Variants in LMX1A observed in about 807,000 individuals in gnomAD.
LMX1A encodes the protein LIM homeobox transcription factor 1-alpha.
LMX1A carries 15 observed loss-of-function variants against 49.1 expected under a neutral mutation model. The ratio of observed to expected loss-of-function variants is 0.31; its 90% confidence interval spans 0.20 to 0.47. The LOEUF is 0.47. Among genes scored for constraint, LMX1A ranks in the 20% least tolerant of loss-of-function variants. The probability of loss-of-function intolerance (pLI) is 1.00; values close to 1 mark genes in which losing one functional copy is unlikely to be tolerated. For synonymous variants in LMX1A, 167 were observed against 185.7 expected, an observed-to-expected ratio of 0.90 and a Z score of 0.82; for missense variants, 372 against 475.8, an observed-to-expected ratio of 0.78 and a Z score of 2.03.
intron 3 of LMX1A, among the ~76,000 whole-genome samples, chr1:165,348,201 T>C (rs750121505): frequency 9.2e-5 from 14 of 152,214 alleles, no homozygotes; most frequent in Non-Finnish European, 1.6e-4. Context: ...GTTCCATTTA[T>C]GTAAGGATCA....
At chr1:165,333,225 T>G (rs1571228058) in intron 3 of LMX1A, among the ~76,000 whole-genome samples, 1 of 152,340 alleles carries the variant, frequency 6.6e-6, no homozygotes, top group East Asian at 1.9e-4. Context: ...CGGAGCGATC[T>G]CGGCTCACCA....
chr1:165,306,958 T>G (rs957006570), intron 3 of LMX1A, among the ~76,000 whole-genome samples: 8 of 152,226 alleles, frequency 5.3e-5, no homozygotes, highest in South Asian at 2.1e-4. Flanking sequence ...CAGCCTGAGC[T>G]GCTGGCAGCA....
intron 3 of LMX1A, among the ~76,000 whole-genome samples, chr1:165,331,823 A>C (rs1655751284): frequency 6.6e-6 from 1 of 152,198 alleles, no homozygotes; most frequent in Non-Finnish European, 1.5e-5. Context: ...AGGCTGAGGC[A>C]CAAGAATAGC....
intron 3 of LMX1A, among the ~76,000 whole-genome samples, chr1:165,339,089 C>T (rs6665018): frequency 0.21 from 32,361 of 152,178 alleles, 3,708 homozygotes; most frequent in African/African-American, 0.24. Flanking sequence ...TGCCCAGGCC[C>T]AGCCAGCCAA....
intron 4 of LMX1A, among the ~76,000 whole-genome samples, chr1:165,235,425 C>G (rs1442445214): frequency 5.8e-5 from 4 of 68,418 alleles, no homozygotes; most frequent in African/African-American, 1.3e-4. Context: ...CACACACACT[C>G]ACACTCACAC....
intron 3 of LMX1A, among the ~76,000 whole-genome samples, chr1:165,255,856 T>A (rs1242171065): frequency 6.6e-6 from 1 of 151,842 alleles, no homozygotes; most frequent in African/African-American, 2.4e-5. Flanking sequence ...GTCTGTAATC[T>A]CAGCTACTCA....
At chr1:165,240,605 G>A (rs946776306) in intron 4 of LMX1A, among the ~76,000 whole-genome samples, 1 of 152,322 alleles carries the variant, frequency 6.6e-6, no homozygotes, top group Non-Finnish European at 1.5e-5. Flanking sequence ...TTGAATTAAA[G>A]GTTGGTCAGG....
rs1385851069 is a variant in LMX1A, at chr1:165,264,074, G to A, written c.264-14434C>T. Reference sequence around the variant, plus strand: ...CAGAATGAGATCAACAATCCAGGATGAGTCTAACCCAGGAGAGCATCAATT... The same window carrying A: ...CAGAATGAGATCAACAATCCAGGATAAGTCTAACCCAGGAGAGCATCAATT... On this transcript the variant is annotated intron_variant, in intron 3 of 8. Transcript: ENST00000342310. Among the ~76,000 whole-genome samples, 5 of 152,136 alleles carry A rather than the reference G, an allele frequency of 3.3e-5. No individual in the cohort carries two copies. The East Asian group carries it at 9.6e-4, about 29-fold the overall frequency.
chr1:165,220,096 A>T (rs16841238), intron 4 of LMX1A, among the ~76,000 whole-genome samples: 4,196 of 152,298 alleles, frequency 0.028, 166 homozygotes, highest in African/African-American at 0.089. Flanking sequence ...CTTCTCAAAT[A>T]TGAATGTTCC....
intron 4 of LMX1A, among the ~76,000 whole-genome samples, chr1:165,248,711 C>G (rs1652948701): frequency 6.6e-6 from 1 of 152,064 alleles, no homozygotes; most frequent in African/African-American, 2.4e-5. Flanking sequence ...TCCCACTTGA[C>G]AAATGAGGAA....
intron 3 of LMX1A, among the ~76,000 whole-genome samples, chr1:165,292,391 C>T (rs1428638468): frequency 1.3e-5 from 2 of 151,990 alleles, no homozygotes; most frequent in Non-Finnish European, 2.9e-5. Context: ...AGCAAAGCTC[C>T]GGAAAGTGAG....
intron 4 of LMX1A, among the ~76,000 whole-genome samples, chr1:165,225,636 G>A (rs1652008940): frequency 6.6e-6 from 1 of 152,222 alleles, no homozygotes; most frequent in Non-Finnish European, 1.5e-5. Context: ...CTGGACTCTA[G>A]GGCAGTGGTT....
chr1:165,312,276 G>A lies in LMX1A; in HGVS notation c.263+40800C>T, dbSNP rs188693074. Among the ~76,000 whole-genome samples, 99 of 152,182 alleles carry A rather than the reference G, an allele frequency of 6.5e-4. 2 individuals carry two copies. The highest frequency in any genetic ancestry group is 9.1e-4 in the Non-Finnish European group (62 of 68,022). ...GGTATGATAGGCACAGTACAGTCTG[G>A]GAAATCAGGAGCTTATGAGCTCTAA... On this transcript the variant is annotated intron_variant, in intron 3 of 8. Transcript: ENST00000342310.
chr1:165,338,117 C>T (rs1655959117), intron 3 of LMX1A, among the ~76,000 whole-genome samples: 1 of 152,156 alleles, frequency 6.6e-6, no homozygotes, highest in African/African-American at 2.4e-5. Flanking sequence ...AATTGGAAGG[C>T]TACCAGAAGG....
chr1:165,253,988 G>A (rs1276728821), intron 3 of LMX1A, among the ~76,000 whole-genome samples: 3 of 152,224 alleles, frequency 2.0e-5, no homozygotes, highest in East Asian at 3.9e-4. Context: ...CCAAGTCCCC[G>A]GTTGCTGTTT....
intron 8 of LMX1A, among the ~76,000 whole-genome samples, chr1:165,204,614 T>C (rs1043814416): frequency 6.6e-6 from 1 of 152,214 alleles, no homozygotes; most frequent in African/African-American, 2.4e-5. Context: ...GAGAAATCAC[T>C]GCAACCAGGA....
intron 3 of LMX1A, among the ~76,000 whole-genome samples, chr1:165,326,682 TTTC>T (rs1245139263): frequency 1.3e-5 from 2 of 152,194 alleles, no homozygotes; most frequent in Non-Finnish European, 2.9e-5. Flanking sequence ...GCTGCATCCT[TTTC>T]TTCCCCAGTT....
At chr1:165,218,615 G>A (rs1426151424) in intron 4 of LMX1A, 1 of 152,182 alleles carries the variant, frequency 6.6e-6, no homozygotes, top group Non-Finnish European at 1.5e-5. Context: ...TGCCTGACTT[G>A]GATATCAGCT....
intron 3 of LMX1A, among the ~76,000 whole-genome samples, chr1:165,257,268 T>C (rs1256352532): frequency 6.6e-6 from 1 of 152,058 alleles, no homozygotes; most frequent in Non-Finnish European, 1.5e-5. Flanking sequence ...TCCTGTTTTG[T>C]ATTTCTCTCT....
Sources: gnomAD v4.1 joint callset for allele counts (sites outside exome capture counted in the v4.1 genomes callset) on GRCh38, gnomAD v4.1.1 for gene constraint, MANE v1.5 for transcripts, NCBI Gene and HGNC (gene_info 2026-07-23, HGNC 2026-07-21) for gene names.